The following PLCH1 variants were observed in gnomAD, a reference collection of about 807,000 sequenced individuals.
PLCH1 encodes 1-phosphatidylinositol 4,5-bisphosphate phosphodiesterase eta-1.
PLCH1 carries 60 observed loss-of-function variants against 126.7 expected under a neutral mutation model. The ratio of observed to expected loss-of-function variants is 0.47; its 90% confidence interval spans 0.38 to 0.59. The LOEUF (loss-of-function observed/expected upper bound fraction) is 0.59. Among genes scored for constraint, PLCH1 ranks in the 20% least tolerant of loss-of-function variants. PLCH1 has a pLI of 0.00. For missense variants in PLCH1, 1,723 were observed against 2,040.0 expected, an observed-to-expected ratio of 0.84 and a Z score of 2.99; for synonymous variants, 719 against 734.9, an observed-to-expected ratio of 0.98 and a Z score of 0.35.
At chr3:155,499,688 C>T (rs1481285056) in intron 14 of PLCH1, among the ~76,000 whole-genome samples, 1 of 152,202 alleles carries the variant, frequency 6.6e-6, no homozygotes, top group Non-Finnish European at 1.5e-5. Context: ...TAGCTTTCCT[C>T]AAACACTGCC....
chr3:155,562,496 C>T (rs1727766119), intron 8 of PLCH1, among the ~76,000 whole-genome samples: 1 of 152,140 alleles, frequency 6.6e-6, no homozygotes, highest in African/African-American at 2.4e-5. Context: ...TCTAGAAATC[C>T]CGAGACTTGG....
At chr3:155,663,656 T>C (rs1742422752) in intron 2 of PLCH1, among the ~76,000 whole-genome samples, 2 of 152,230 alleles carry the variant, frequency 1.3e-5, no homozygotes, top group Admixed American at 1.3e-4. Context: ...GCAGGGGCTA[T>C]GGCTTATTTA....
chr3:155,730,632 G>A (rs890783212), intron 1 of PLCH1, among the ~76,000 whole-genome samples: 14 of 152,060 alleles, frequency 9.2e-5, no homozygotes, highest in African/African-American at 3.4e-4. Context: ...CCATACAGTG[G>A]GAAATATGCA....
chr3:155,454,052 C>T (rs560814690), intron 21 of PLCH1, among the ~76,000 whole-genome samples: 3 of 152,098 alleles, frequency 2.0e-5, no homozygotes, highest in East Asian at 3.9e-4. Flanking sequence ...ATAAGATAAC[C>T]ATAATAGTGA....
At chr3:155,568,070 G>A (rs1728744586) in intron 7 of PLCH1, among the ~76,000 whole-genome samples, 161 bp downstream of exon 7, 1 of 152,110 alleles carries the variant, frequency 6.6e-6, no homozygotes, top group Non-Finnish European at 1.5e-5. Context: ...CATGGTCTTT[G>A]CTTTGCAGGA....
intron 10 of PLCH1, among the ~76,000 whole-genome samples, chr3:155,537,193 AAAAAAAACC>A (rs1201376268): frequency 0.019 from 462 of 24,194 alleles, 9 homozygotes; most frequent in African/African-American, 0.042. Context: ...CTACAAAAAA[AAAAAAAACC>A]AAAAAAAAAA....
chr3:155,692,084 A>C (rs1745433011), intron 2 of PLCH1, among the ~76,000 whole-genome samples: 1 of 152,106 alleles, frequency 6.6e-6, no homozygotes, highest in African/African-American at 2.4e-5. Context: ...GATATCATGT[A>C]TCAATATATC....
At chr3:155,694,595 T>C (rs1252365195) in intron 2 of PLCH1, among the ~76,000 whole-genome samples, 1 of 152,248 alleles carries the variant, frequency 6.6e-6, no homozygotes, top group African/African-American at 2.4e-5. Flanking sequence ...CTTCTTTTAA[T>C]TGAGCATAAG....
At chr3:155,626,185 A>G (rs1450832923) in intron 2 of PLCH1, among the ~76,000 whole-genome samples, 1 of 148,252 alleles carries the variant, frequency 6.7e-6, no homozygotes, top group African/African-American at 2.6e-5. Context: ...ATGAGAACAC[A>G]TGGACACAGT....
intron 14 of PLCH1, among the ~76,000 whole-genome samples, chr3:155,500,173 A>T (rs760497241): frequency 6.6e-6 from 1 of 152,230 alleles, no homozygotes; most frequent in Non-Finnish European, 1.5e-5. Flanking sequence ...CTGGCAATAA[A>T]GCAAACAAAC....
chr3:155,679,308 A>G (rs1057143227), intron 2 of PLCH1, among the ~76,000 whole-genome samples: 2 of 152,148 alleles, frequency 1.3e-5, no homozygotes, highest in Non-Finnish European at 2.9e-5. Flanking sequence ...ATCTGACAAC[A>G]CAATGGGGGT....
intron 8 of PLCH1, among the ~76,000 whole-genome samples, chr3:155,559,933 T>C (rs1333451381): frequency 6.6e-6 from 1 of 152,218 alleles, no homozygotes; most frequent in Admixed American, 6.5e-5. Context: ...TCATGAATTA[T>C]CTTAATCAGA....
chr3:155,479,470 C>T (rs973417155), downstream of PLCH1, among the ~76,000 whole-genome samples: 17 of 151,984 alleles, frequency 1.1e-4, no homozygotes, highest in South Asian at 2.1e-4. Flanking sequence ...TTCTCCTCTG[C>T]ACTCTTCCCT....
intron 18 of PLCH1, 36 bp from the exon 19 acceptor site, chr3:155,490,904 A>G (rs549098242): frequency 1.8e-6 from 2 of 1,098,456 alleles, no homozygotes; most frequent in East Asian, 2.4e-5. Context: ...TACAAATAAC[A>G]TATTTCTATA....
chr3:155,609,465 G>C (rs1250781172), intron 2 of PLCH1, among the ~76,000 whole-genome samples: 1 of 151,988 alleles, frequency 6.6e-6, no homozygotes, highest in Non-Finnish European at 1.5e-5. Context: ...AAGTAATTCT[G>C]GTACTATGAC....
intron 2 of PLCH1, among the ~76,000 whole-genome samples, chr3:155,691,743 T>A (rs1414606481): frequency 6.6e-6 from 1 of 152,246 alleles, no homozygotes; most frequent in Non-Finnish European, 1.5e-5. Context: ...GTTCTCTCAA[T>A]TCCTGCATTT....
chr3:155,475,187 G>T (rs1713484933), downstream of PLCH1, among the ~76,000 whole-genome samples: 1 of 151,722 alleles, frequency 6.6e-6, no homozygotes, highest in East Asian at 1.9e-4. Context: ...CAAATACATG[G>T]AAATTAAACA....
At chr3:155,522,397 A>G (rs1231601418) in intron 11 of PLCH1, among the ~76,000 whole-genome samples, 2 of 152,258 alleles carry the variant, frequency 1.3e-5, no homozygotes, top group Non-Finnish European at 2.9e-5. Flanking sequence ...CTATTAATTA[A>G]TGGTATTTAA....
At chr3:155,582,384 ATAG>A (rs960149580) in intron 6 of PLCH1, among the ~76,000 whole-genome samples, 2 of 152,090 alleles carry the variant, frequency 1.3e-5, no homozygotes, top group African/African-American at 4.8e-5. Context: ...TGCCTGGCCA[ATAG>A]TTGCACAACT....
Sources: allele counts gnomAD v4.1 joint callset (sites outside exome capture counted in the v4.1 genomes callset), GRCh38; gene constraint gnomAD v4.1.1; transcripts MANE v1.5; gene names NCBI Gene and HGNC (gene_info 2026-07-23, HGNC 2026-07-21).